The following MYO5B variants were observed in gnomAD, a reference collection of about 807,000 sequenced individuals.
MYO5B encodes the protein unconventional myosin-Vb.
In MYO5B, 143 loss-of-function variants were observed where a neutral mutation model predicts 229.3. The observed-to-expected ratio is 0.62, with a 90% CI of 0.54 to 0.72. The LOEUF (loss-of-function observed/expected upper bound fraction) is 0.72, where lower values mean the gene tolerates loss of function less well. Ranked by LOEUF, MYO5B falls within the 30% of genes least tolerant of loss-of-function variation. MYO5B has a pLI of 0.00. For synonymous variants in MYO5B, 918 were observed against 885.2 expected (o/e 1.04, Z -0.66); for missense variants, 2,321 against 2,331.0 (o/e 1.00, Z 0.09).
chr18:49,987,514 G>A (rs890788383), intron 7 of MYO5B, among the ~76,000 whole-genome samples: 1 of 152,030 alleles, frequency 6.6e-6, no homozygotes. Flanking sequence ...GAATTCCCAA[G>A]GAGAAATGTA....
chr18:50,127,218 T>C (rs1301648869), intron 1 of MYO5B, among the ~76,000 whole-genome samples: 1 of 152,126 alleles, frequency 6.6e-6, no homozygotes, highest in Non-Finnish European at 1.5e-5. Context: ...TTGATGAAAA[T>C]TTCTAGCATC....
intron 11 of MYO5B, 30 bp downstream of exon 11, chr18:49,962,919 G>C (rs577774104): frequency 6.3e-7 from 1 of 1,590,318 alleles, no homozygotes; most frequent in South Asian, 1.1e-5. Context: ...CCCCAATCCT[G>C]GTACCCCCAG....
At chr18:49,896,726 T>C (rs955555196) in intron 21 of MYO5B, among the ~76,000 whole-genome samples, 16 of 152,144 alleles carry the variant, frequency 1.1e-4, no homozygotes, top group Non-Finnish European at 1.8e-4. Flanking sequence ...AGGACTCTAA[T>C]GCGAAGTATG....
chr18:50,183,341 C>T (rs1308395318), intron 1 of MYO5B, among the ~76,000 whole-genome samples: 3 of 76,226 alleles, frequency 3.9e-5, no homozygotes, highest in Non-Finnish European at 5.6e-5. Flanking sequence ...ATATATATCT[C>T]CTTCAATACT....
At chr18:50,188,833 A>G (rs1014196222) in intron 1 of MYO5B, among the ~76,000 whole-genome samples, 13 of 121,060 alleles carry the variant, frequency 1.1e-4, no homozygotes, top group African/African-American at 3.8e-4. Flanking sequence ...ACACCTATCA[A>G]CAAAGGAGGG....
At chr18:49,945,133 C>A (rs559154331) in intron 14 of MYO5B, among the ~76,000 whole-genome samples, 3 of 152,254 alleles carry the variant, frequency 2.0e-5, no homozygotes, top group Admixed American at 2.0e-4. Context: ...CCTGCACTTC[C>A]ATCCTTTGCA....
chr18:50,002,115 G>A (rs961537202), intron 4 of MYO5B, among the ~76,000 whole-genome samples: 1 of 150,656 alleles, frequency 6.6e-6, no homozygotes, highest in African/African-American at 2.4e-5. Flanking sequence ...TTCCCATCTT[G>A]TGTCACTGTA....
At chr18:50,062,878 C>T (rs150486247) in intron 1 of MYO5B, among the ~76,000 whole-genome samples, 185 of 152,228 alleles carry the variant, frequency 1.2e-3, no homozygotes, top group African/African-American at 4.3e-3. Flanking sequence ...CTGGTCCCCA[C>T]TCCCATCATC....
chr18:49,954,005 T>C (rs1271962822), intron 13 of MYO5B, among the ~76,000 whole-genome samples: 2 of 140,938 alleles, frequency 1.4e-5, no homozygotes, highest in East Asian at 2.0e-4. Context: ...CACAGACATA[T>C]ATGTGTGTAT....
chr18:50,026,408 C>T (rs978812828), intron 4 of MYO5B, among the ~76,000 whole-genome samples: 9 of 152,226 alleles, frequency 5.9e-5, no homozygotes, highest in African/African-American at 2.2e-4. Flanking sequence ...CTGAAAGTGG[C>T]TTGTTTTCCA....
At chr18:50,176,553 G>A (rs1187043336) in intron 1 of MYO5B, among the ~76,000 whole-genome samples, 1 of 152,110 alleles carries the variant, frequency 6.6e-6, no homozygotes, top group Non-Finnish European at 1.5e-5. Flanking sequence ...TGTTTTCCTA[G>A]AGTCTTCAAA....
intron 35 of MYO5B, 52 bp from the exon 36 acceptor site, chr18:49,839,346 C>T: frequency 6.2e-7 from 1 of 1,600,496 alleles, no homozygotes; most frequent in Non-Finnish European, 8.5e-7. Flanking sequence ...CTGGGCCCAG[C>T]ACAACTTCCA....
At position 49,837,747 on chromosome 18, in the gene MYO5B, G is replaced by A. The variant is rs772198023; in HGVS notation, c.4908C>T (p.Thr1636=). Residue 1636 remains threonine, a synonymous_variant, in exon 37 of 40, where the codon ACC becomes ACT. Coordinates refer to ENST00000285039, the MANE Select transcript of MYO5B (RefSeq NM_001080467.3). ...SIQGLSGVKP[T]GYRKRSSSMA... is the part of the protein sequence containing the mutation. The stretch of plus-strand genomic sequence containing the variant: ...TGCTGGAGGAGCGCTTCCGGTAGCC[G>A]GTGGGCTTCACACCAGATAGACCCT... 18 of 1,614,006 alleles carry A rather than the reference G, an allele frequency of 1.1e-5. No individual in the cohort carries two copies. Among genetic ancestry groups the A allele is most frequent in the Admixed American group, 3.3e-5 (2 of 59,994 alleles).
At chr18:50,018,802 T>C (rs1161909894) in intron 4 of MYO5B, among the ~76,000 whole-genome samples, 1 of 152,190 alleles carries the variant, frequency 6.6e-6, no homozygotes, top group African/African-American at 2.4e-5. Flanking sequence ...TGGGCAGCCA[T>C]TTCAACTACT....
At chr18:49,857,799 G>A (rs2024280395) in intron 29 of MYO5B, among the ~76,000 whole-genome samples, 1 of 152,162 alleles carries the variant, frequency 6.6e-6, no homozygotes, top group Non-Finnish European at 1.5e-5. Context: ...TCCTCAACCT[G>A]CGCAGCCCTG....
chr18:49,869,300 T>C (rs1237497534), intron 27 of MYO5B, among the ~76,000 whole-genome samples: 1 of 152,142 alleles, frequency 6.6e-6, no homozygotes, highest in East Asian at 1.9e-4. Flanking sequence ...GGTAATAAAG[T>C]CCCCTGAATG....
intron 1 of MYO5B, among the ~76,000 whole-genome samples, chr18:50,179,319 A>T (rs569005155): frequency 6.6e-6 from 1 of 152,290 alleles, no homozygotes; most frequent in African/African-American, 2.4e-5. Flanking sequence ...TGATGCACCC[A>T]AAGTAGAAAA....
intron 1 of MYO5B, among the ~76,000 whole-genome samples, chr18:50,149,681 A>C (rs1326538534): frequency 8.6e-5 from 13 of 151,592 alleles, no homozygotes; most frequent in South Asian, 6.2e-4. Context: ...TACAAAAATC[A>C]ATTCAAGATG....
At chr18:49,922,304 T>A (rs1226543690) in intron 17 of MYO5B, among the ~76,000 whole-genome samples, 1 of 152,224 alleles carries the variant, frequency 6.6e-6, no homozygotes, top group East Asian at 1.9e-4. Flanking sequence ...AGCATTATTA[T>A]TTTAATCAGT....
Sources: gnomAD v4.1 joint callset for allele counts (sites outside exome capture counted in the v4.1 genomes callset) on GRCh38, gnomAD v4.1.1 for gene constraint, MANE v1.5 for transcripts, NCBI Gene and HGNC (gene_info 2026-07-23, HGNC 2026-07-21) for gene names.